TOP2B: variants seen among roughly 807,000 people sequenced by gnomAD.
TOP2B encodes the protein DNA topoisomerase II beta.
In TOP2B, 51 loss-of-function variants were observed where a neutral mutation model predicts 193.5. The ratio of observed to expected loss-of-function variants is 0.26; its 90% CI spans 0.21 to 0.33. The LOEUF is 0.33. TOP2B is among the 10% of genes least tolerant of loss of function. The pLI is 1.00. For missense variants in TOP2B, 1,378 were observed against 1,909.3 expected (o/e 0.72, Z 5.19); for synonymous variants, 634 against 635.7 (o/e 1.00, Z 0.04).
At chr3:25,601,321 G>C (rs1702089214) in intron 33 of TOP2B, 96 bp from the exon 34 acceptor site, 1 of 1,419,476 alleles carries the variant, frequency 7.0e-7, no homozygotes, top group African/African-American at 1.4e-5. Flanking sequence ...TAGCTGATTA[G>C]AAACTGAGTT....
At chr3:25,620,475 C>T (rs766196296) in intron 22 of TOP2B, among the ~76,000 whole-genome samples, 2 of 152,044 alleles carry the variant, frequency 1.3e-5, no homozygotes, top group Non-Finnish European at 2.9e-5. Flanking sequence ...CTATAAAAGC[C>T]TTACCTAACA....
intron 33 of TOP2B, among the ~76,000 whole-genome samples, chr3:25,602,902 C>T (rs1702144720): frequency 6.6e-6 from 1 of 152,164 alleles, no homozygotes; most frequent in Non-Finnish European, 1.5e-5. Flanking sequence ...GGATATGATG[C>T]ATCCTCTTCT....
chr3:25,599,078 A>G (rs572881365), intron 35 of TOP2B, among the ~76,000 whole-genome samples: 2 of 152,224 alleles, frequency 1.3e-5, no homozygotes, highest in South Asian at 2.1e-4. Context: ...TTCAATTAAA[A>G]AAAAAATCAA....
intron 1 of TOP2B, among the ~76,000 whole-genome samples, chr3:25,646,335 A>C (rs751740246): frequency 2.6e-5 from 4 of 152,206 alleles, no homozygotes; most frequent in Non-Finnish European, 4.4e-5. Context: ...CATGCCAATA[A>C]TTCCTCACAT....
intron 4 of TOP2B, among the ~76,000 whole-genome samples, chr3:25,641,205 A>G (rs1422429369): frequency 2.0e-5 from 3 of 152,108 alleles, no homozygotes; most frequent in South Asian, 2.1e-4. Context: ...TAAAAGAACT[A>G]AACAATTGCA....
At chr3:25,652,645 T>C (rs1236299135) in intron 1 of TOP2B, among the ~76,000 whole-genome samples, 1 of 151,936 alleles carries the variant, frequency 6.6e-6, no homozygotes, top group Non-Finnish European at 1.5e-5. Context: ...CAAAACACAA[T>C]AGAGCAATAT....
rs1449573672 is a variant in TOP2B at position 25,604,887 on chromosome 3, C to A, written c.4379-17G>T. The stretch of plus-strand genomic sequence containing the variant: ...TAGCTGAATCTAAAAATTGCAAAGC[C>A]TTCTTTTAGTAAAGAGATGTTATAA... On this transcript the variant is annotated splice_polypyrimidine_tract_variant and intron_variant, in intron 32 of 35. Coordinates refer to ENST00000264331, the MANE Select transcript of TOP2B (RefSeq NM_001330700.2). 1 of 1,574,800 alleles carries A rather than the reference C, an allele frequency of 6.4e-7. No individual in the cohort carries two copies. Among genetic ancestry groups the A allele is most frequent in the Non-Finnish European group, 8.7e-7 (1 of 1,146,434 alleles).
chr3:25,623,284 G>A (rs1702710834), intron 21 of TOP2B, among the ~76,000 whole-genome samples: 1 of 152,014 alleles, frequency 6.6e-6, no homozygotes, highest in African/African-American at 2.4e-5. Context: ...TGGAATATGA[G>A]GTGTTTCTAA....
In TOP2B at chr3:25,612,564, A is replaced by C. The variant is rs749929449; in HGVS notation, c.3737T>G (p.Ile1246Ser). The C allele has an allele frequency of 6.2e-7, 1 of 1,612,404 alleles. No homozygotes were observed. The highest frequency in any genetic ancestry group is 1.1e-5 in the South Asian group (1 of 90,926). The change falls in exon 28 of 36, where the codon ATT becomes AGT. Residue 1246 changes from isoleucine to serine, a missense_variant. This residue lies in a region of TOP2B where 556 missense variants were observed against 584.2 expected (regional missense o/e 0.95). Coordinates refer to ENST00000264331, the MANE Select transcript of TOP2B (RefSeq NM_001330700.2). ...GCTGGCATCTGCCTTCATAGCTGTAATTTCAGGAATTATTCTTCTGCCATA... is the reference window on the plus strand; with the variant it reads ...GCTGGCATCTGCCTTCATAGCTGTACTTTCAGGAATTATTCTTCTGCCATA... ...SPYGRRIIPEITAMKADASKK... is the reference protein window; with the variant it reads ...SPYGRRIIPESTAMKADASKK...
intron 28 of TOP2B, among the ~76,000 whole-genome samples, chr3:25,611,851 T>C (rs1702380185): frequency 6.6e-6 from 1 of 152,210 alleles, no homozygotes; most frequent in African/African-American, 2.4e-5. Flanking sequence ...GATGTAGCAC[T>C]AAAGTTTATA....
chr3:25,630,434 T>C lies in TOP2B; in HGVS notation c.1441A>G (p.Thr481Ala). ...AGTGATTTGGCAGAGTCTCCCTCTG[T>C]TAATATCAGTGTACACTCCAGGGAA... Reference protein sequence around the residue: ...KHSLECTLILTEGDSAKSLAV... With the variant: ...KHSLECTLILAEGDSAKSLAV... The change falls in exon 12 of 36, where the codon ACA (threonine) becomes GCA (alanine). Residue 481 changes from threonine to alanine, a missense_variant. Coordinates refer to ENST00000264331, the MANE Select transcript of TOP2B (RefSeq NM_001330700.2). 1 of 1,552,972 alleles carries C rather than the reference T, an allele frequency of 6.4e-7. No individual in the cohort carries two copies. The highest frequency in any genetic ancestry group is 8.7e-7 in the Non-Finnish European group (1 of 1,147,314).
intron 33 of TOP2B, among the ~76,000 whole-genome samples, chr3:25,602,468 G>A (rs1271542043): frequency 9.2e-4 from 135 of 147,286 alleles, no homozygotes; most frequent in African/African-American, 3.3e-3. Flanking sequence ...ACCTAATTTG[G>A]AAGAAAATAT....
At chr3:25,612,255 T>G (rs1702390343) in intron 28 of TOP2B, among the ~76,000 whole-genome samples, 1 of 152,148 alleles carries the variant, frequency 6.6e-6, no homozygotes. Context: ...TTCCAAGATT[T>G]TAACTTAGAA....
intron 1 of TOP2B, among the ~76,000 whole-genome samples, chr3:25,660,664 G>A (rs572619318): frequency 1.3e-5 from 2 of 152,306 alleles, no homozygotes; most frequent in South Asian, 4.1e-4. Flanking sequence ...AAATTTCATT[G>A]GAAAGGGCAC....
chr3:25,647,945 T>C (rs972476645), intron 1 of TOP2B, among the ~76,000 whole-genome samples: 1 of 152,222 alleles, frequency 6.6e-6, no homozygotes, highest in Non-Finnish European at 1.5e-5. Flanking sequence ...TTGTGATAAG[T>C]TCCAGCACCC....
chr3:25,598,491 C>CAATAGATTTAAAAGTTATGAAAG lies in TOP2B; in HGVS notation c.4711-37_4711-15dup, dbSNP rs1559488089. On this transcript the variant is annotated splice_polypyrimidine_tract_variant and intron_variant, in intron 35 of 35. Transcript: ENST00000264331. ...CTTCTTCGGTTTCTAGATTTTTTTT[C>CAATAGATTTAAAAGTTATGAAAG]AATAGATTTAAAAGTTATGAAAGGA... 1 of 1,392,750 alleles carries CAATAGATTTAAAAGTTATGAAAG rather than the reference C, an allele frequency of 7.2e-7. No homozygotes were observed. Among genetic ancestry groups the CAATAGATTTAAAAGTTATGAAAG allele is most frequent in the Non-Finnish European group, 9.8e-7 (1 of 1,017,774 alleles). The allele number at this position is 1,392,750 out of a possible 1,614,324, so 86.3% of individuals were successfully genotyped here.
At chr3:25,609,151 A>T in intron 30 of TOP2B, 32 bp downstream of exon 30, 1 of 1,559,110 alleles carries the variant, frequency 6.4e-7, no homozygotes. Flanking sequence ...GTTAAACTAT[A>T]ATATACAGTA....
At chr3:25,626,381 C>T (rs980316924) in intron 18 of TOP2B, among the ~76,000 whole-genome samples, 179 bp downstream of exon 18, 1 of 151,936 alleles carries the variant, frequency 6.6e-6, no homozygotes, top group African/African-American at 2.4e-5. Context: ...AAGATTTCAG[C>T]ACTATGAAAA....
chr3:25,625,472 C>T (rs1192397110), intron 18 of TOP2B, among the ~76,000 whole-genome samples: 1 of 152,144 alleles, frequency 6.6e-6, no homozygotes, highest in Non-Finnish European at 1.5e-5. Context: ...CAACCCGTGG[C>T]CCGTGGGCTG....
Sources: gnomAD v4.1 joint callset for allele counts (sites outside exome capture counted in the v4.1 genomes callset) on GRCh38, gnomAD v4.1.1 for gene constraint, gnomAD v4.1.1 regional missense constraint, MANE v1.5 for transcripts, NCBI Gene and HGNC (gene_info 2026-07-23, HGNC 2026-07-21) for gene names.